The following JARID2 variants were observed in gnomAD, a reference collection of about 807,000 sequenced individuals.
JARID2 encodes protein Jumonji.
JARID2 carries 21 observed loss-of-function variants against 125.6 expected under a neutral mutation model. The observed-to-expected ratio is 0.17, with a 90% CI of 0.12 to 0.24. The LOEUF (loss-of-function observed/expected upper bound fraction) is 0.24. Among genes scored for constraint, JARID2 ranks in the 10% least tolerant of loss-of-function variants. The probability of loss-of-function intolerance (pLI) is 1.00; values close to 1 mark genes in which losing one functional copy is unlikely to be tolerated. For missense variants in JARID2, 1,303 were observed against 1,639.6 expected, an observed-to-expected ratio of 0.79 and a Z score of 3.55; for synonymous variants, 736 against 661.6, an observed-to-expected ratio of 1.11 and a Z score of -1.73.
intron 1 of JARID2, among the ~76,000 whole-genome samples, chr6:15,359,955 G>C (rs1270577869): frequency 3.3e-5 from 5 of 152,028 alleles, no homozygotes; most frequent in Non-Finnish European, 7.4e-5. Context: ...CCAAAGTTTT[G>C]GGATTACAGG....
chr6:15,278,149 T>C lies in JARID2; in HGVS notation c.45+31565T>C, dbSNP rs115769275. Among the ~76,000 whole-genome samples the C allele has an allele frequency of 2.1e-3, 325 of 152,196 alleles. 2 individuals are homozygous for C. The highest frequency in any genetic ancestry group is 7.2e-3 in the African/African-American group (301 of 41,528). Reference sequence around the variant, plus strand: ...AAGCAGGAGAATCCCAGGCTGAAGCTTGAACCCAGGAGGTGGAGGTTGCGG... The same window carrying C: ...AAGCAGGAGAATCCCAGGCTGAAGCCTGAACCCAGGAGGTGGAGGTTGCGG... On this transcript the variant is annotated intron_variant, in intron 1 of 17. Coordinates refer to ENST00000341776, the MANE Select transcript of JARID2 (RefSeq NM_004973.4).
chr6:15,491,324 TGCCTTG>T (rs750266791), intron 6 of JARID2, among the ~76,000 whole-genome samples: 4 of 152,230 alleles, frequency 2.6e-5, no homozygotes, highest in African/African-American at 7.2e-5. Context: ...AGAGCACATT[TGCCTTG>T]GCCTTGGCCT....
intron 1 of JARID2, among the ~76,000 whole-genome samples, chr6:15,327,285 C>A (rs532023996): frequency 6.6e-6 from 1 of 152,114 alleles, no homozygotes; most frequent in East Asian, 1.9e-4. Context: ...GCCCTGTCAC[C>A]CAGGTTGGAG....
intron 1 of JARID2, among the ~76,000 whole-genome samples, chr6:15,295,145 G>A (rs1350999088): frequency 2.3e-5 from 3 of 132,716 alleles, no homozygotes; most frequent in Non-Finnish European, 4.7e-5. Context: ...TTTTTGAGAC[G>A]GAGTCTTGCT....
chr6:15,411,120 T>C (rs1248175654), intron 3 of JARID2, among the ~76,000 whole-genome samples: 1 of 152,220 alleles, frequency 6.6e-6, no homozygotes, highest in Non-Finnish European at 1.5e-5. Context: ...CTCTTTATGT[T>C]TACCTGGAGG....
intron 3 of JARID2, among the ~76,000 whole-genome samples, chr6:15,438,921 A>C (rs111476063): frequency 6.6e-6 from 1 of 151,804 alleles, no homozygotes; most frequent in Non-Finnish European, 1.5e-5. Flanking sequence ...AATTCCAGCT[A>C]CTCAGGAGGC....
intron 5 of JARID2, among the ~76,000 whole-genome samples, chr6:15,483,877 A>T (rs868170537): frequency 1.3e-5 from 2 of 152,184 alleles, no homozygotes; most frequent in Non-Finnish European, 2.9e-5. Context: ...TGAGGGTTAC[A>T]GTTTCTCCAC....
chr6:15,395,969 C>G (rs1220642368), intron 2 of JARID2, among the ~76,000 whole-genome samples: 1 of 152,162 alleles, frequency 6.6e-6, no homozygotes, highest in Non-Finnish European at 1.5e-5. Context: ...GGCCTCAGTG[C>G]TTTTAATATA....
At chr6:15,249,247 C>CGA (rs1759340338) in intron 1 of JARID2, among the ~76,000 whole-genome samples, 1 of 152,212 alleles carries the variant, frequency 6.6e-6, no homozygotes, top group Non-Finnish European at 1.5e-5. Flanking sequence ...GTTAGGGGTG[C>CGA]TTCAGCAGGA....
intron 6 of JARID2, among the ~76,000 whole-genome samples, chr6:15,494,511 C>T (rs377490327): frequency 1.4e-5 from 2 of 142,738 alleles, no homozygotes; most frequent in Admixed American, 7.7e-5. Context: ...TGGGTTCACG[C>T]CGTTCTTCTG....
chr6:15,251,345 C>T (rs1759444030), intron 1 of JARID2, among the ~76,000 whole-genome samples: 1 of 152,166 alleles, frequency 6.6e-6, no homozygotes, highest in African/African-American at 2.4e-5. Flanking sequence ...AGTGGTTTGC[C>T]CTTGCTCATG....
At chr6:15,330,955 C>T (rs375698130) in intron 1 of JARID2, among the ~76,000 whole-genome samples, 2 of 152,134 alleles carry the variant, frequency 1.3e-5, no homozygotes, top group African/African-American at 2.4e-5. Flanking sequence ...AGTAATTGTT[C>T]CCTAAGATAG....
intron 1 of JARID2, among the ~76,000 whole-genome samples, chr6:15,350,509 G>A (rs961507235): frequency 6.6e-6 from 1 of 152,138 alleles, no homozygotes; most frequent in African/African-American, 2.4e-5. Flanking sequence ...CTGATTCCAA[G>A]ATGTGCTCGG....
At chr6:15,351,229 A>G (rs1763418656) in intron 1 of JARID2, among the ~76,000 whole-genome samples, 1 of 152,184 alleles carries the variant, frequency 6.6e-6, no homozygotes, top group Non-Finnish European at 1.5e-5. Flanking sequence ...AGTAATACCA[A>G]CAGTAACTAA....
chr6:15,289,350 CTT>C (rs1581374491), intron 1 of JARID2, among the ~76,000 whole-genome samples: 1 of 152,134 alleles, frequency 6.6e-6, no homozygotes, highest in Non-Finnish European at 1.5e-5. Flanking sequence ...AAAAGAAAAT[CTT>C]TTATTTTGTT....
intron 2 of JARID2, among the ~76,000 whole-genome samples, chr6:15,407,096 A>T (rs1301070863): frequency 6.6e-6 from 1 of 150,636 alleles, no homozygotes; most frequent in African/African-American, 2.4e-5. Flanking sequence ...CCCATGTATA[A>T]AAAAAAAAGA....
Position 15,501,194 on chromosome 6 carries a change from C to T in JARID2, c.2233C>T (p.His745Tyr), listed in dbSNP as rs1241433724. Residue 745 changes from histidine to tyrosine, a missense_variant, in exon 8 of 18, where the codon CAC becomes TAC. By Grantham distance (83) the His-to-Tyr change is moderately conservative. Transcript: ENST00000341776. ...GPLEGHTEND[H>Y]HKFHPLPRFE... ...GCTGGAAGGCCACACAGAGAACGAC[C>T]ACCACAAGTTCCACCCTCTGCCCCG... The T allele has an allele frequency of 6.2e-7, 1 of 1,614,120 alleles. No homozygotes were observed. Among genetic ancestry groups the T allele is most frequent in the East Asian group, 2.2e-5 (1 of 44,870 alleles).
At position 15,496,709 on chromosome 6, in the gene JARID2, A is replaced by G; in HGVS notation, c.1484A>G (p.Glu495Gly). ...AAGGAAGTGCCGGAGCGCAGTCTGG[A>G]GAGGAATCGGCCGAAGCGGGCCACG... is the stretch of plus-strand genomic sequence containing the variant. The part of the protein sequence containing the change: ...VKKEVPERSL[E>G]RNRPKRATAG... Residue 495 changes from glutamate (E) to glycine (G), a missense_variant, in exon 7 of 18, where the codon GAG becomes GGG. Around this residue, in one of 11 missense-constraint regions of JARID2, gnomAD observed 651 missense variants for 581.6 expected, o/e 1.12. Coordinates refer to ENST00000341776, the MANE Select transcript of JARID2 (RefSeq NM_004973.4). 6.2e-7 allele frequency: 1 copy of G among 1,613,576 alleles called. No individual in the cohort carries two copies. The highest frequency in any genetic ancestry group is 8.5e-7 in the Non-Finnish European group (1 of 1,179,936).
intron 17 of JARID2, among the ~76,000 whole-genome samples, chr6:15,518,928 G>GT (rs1231824736): frequency 6.6e-6 from 1 of 152,206 alleles, no homozygotes; most frequent in Admixed American, 6.5e-5. Context: ...CCTTGCTGGG[G>GT]TGGGGGGTGC....
Sources: gnomAD v4.1 joint callset for allele counts (sites outside exome capture counted in the v4.1 genomes callset) on GRCh38, gnomAD v4.1.1 for gene constraint, gnomAD v4.1.1 regional missense constraint, MANE v1.5 for transcripts, NCBI Gene and HGNC (gene_info 2026-07-23, HGNC 2026-07-21) for gene names.